The following EDARADD variants were observed in gnomAD, a reference collection of about 807,000 sequenced individuals.
The protein encoded by EDARADD is EDAR associated via death domain.
Under a neutral mutation model 25.6 loss-of-function variants are expected in EDARADD, and 20 were observed. That is an observed-to-expected ratio of 0.78 (90% CI 0.55 to 1.14). The LOEUF is 1.14. Among genes scored for constraint, EDARADD ranks in the 50% most tolerant of loss-of-function variants. The probability of loss-of-function intolerance (pLI) is 0.00; values close to 1 mark genes in which losing one functional copy is unlikely to be tolerated. For missense variants in EDARADD, 225 were observed against 270.1 expected, an observed-to-expected ratio of 0.83 and a Z score of 1.17; for synonymous variants, 86 against 94.4, an observed-to-expected ratio of 0.91 and a Z score of 0.52.
intron 4 of EDARADD, among the ~76,000 whole-genome samples, chr1:236,446,461 A>T (rs915031486): frequency 6.6e-6 from 1 of 152,156 alleles, no homozygotes; most frequent in Non-Finnish European, 1.5e-5. Flanking sequence ...CTGAGGCAGA[A>T]GAATCACTTG....
upstream of EDARADD, among the ~76,000 whole-genome samples, chr1:236,389,779 AT>A (rs1478180178): frequency 1.3e-5 from 2 of 152,150 alleles, no homozygotes; most frequent in Admixed American, 6.5e-5. Context: ...AGGCAGGTGG[AT>A]TCCCTGAGCC....
intron 4 of EDARADD, among the ~76,000 whole-genome samples, chr1:236,466,466 C>G (rs920431835): frequency 6.6e-6 from 1 of 152,050 alleles, no homozygotes; most frequent in African/African-American, 2.4e-5. Context: ...CACACTCACA[C>G]TCACACACTC....
chr1:236,411,547 CTTT>C (rs376379766), intron 2 of EDARADD, among the ~76,000 whole-genome samples: 1 of 144,258 alleles, frequency 6.9e-6, no homozygotes, highest in Non-Finnish European at 1.5e-5. Flanking sequence ...TCTTCTTCTT[CTTT>C]TTTTTTTTTG....
upstream of EDARADD, among the ~76,000 whole-genome samples, chr1:236,393,970 G>A (rs908974674): frequency 1.3e-5 from 2 of 149,954 alleles, no homozygotes; most frequent in Admixed American, 6.7e-5. Flanking sequence ...ATGAAAGGGA[G>A]TAATAACTAC....
At chr1:236,379,878 A>G (rs1667278165) in intron 3 of EDARADD, among the ~76,000 whole-genome samples, 1 of 152,284 alleles carries the variant, frequency 6.6e-6, no homozygotes, top group African/African-American at 2.4e-5. Flanking sequence ...ATGATAAATT[A>G]TATTCCAAAT....
chr1:236,415,113 A>G (rs761994271), intron 3 of EDARADD, among the ~76,000 whole-genome samples: 1 of 152,154 alleles, frequency 6.6e-6, no homozygotes, highest in Non-Finnish European at 1.5e-5. Context: ...CGGATAGCAC[A>G]ATTTTAGAGA....
At chr1:236,377,836 G>C (rs763862835) in intron 3 of EDARADD, among the ~76,000 whole-genome samples, 1 of 151,460 alleles carries the variant, frequency 6.6e-6, no homozygotes, top group African/African-American at 2.4e-5. Flanking sequence ...CCAGCCTCAC[G>C]ACAGAGTGAG....
rs1056364066 is a variant in EDARADD, at chr1:236,475,814, C to T, written c.266-6453C>T. 5.3e-5 allele frequency among the ~76,000 whole-genome samples: 8 copies of T among 152,048 alleles called. No individual in the cohort carries two copies. In the South Asian group the frequency reaches 6.2e-4, roughly 12 times the overall value. On this transcript the variant is annotated intron_variant, in intron 5 of 5. Transcript: ENST00000334232. ...CACAAAAAAACTTTAGTAGATCTTT[C>T]GGCATATTATTTTTTAAAATAAACT...
At chr1:236,393,855 C>T (rs1164845183), upstream of EDARADD, among the ~76,000 whole-genome samples, 7 of 152,022 alleles carry the variant, frequency 4.6e-5, no homozygotes, top group Non-Finnish European at 1.0e-4. Context: ...ACAACAATAG[C>T]ACCCATTTGC....
rs993490784 is a variant in EDARADD, at chr1:236,480,131, A to C, written c.266-2136A>C. 3.0e-5 allele frequency among the ~76,000 whole-genome samples: 4 copies of C among 132,610 alleles called. No individual in the cohort carries two copies. In the South Asian group the frequency reaches 9.8e-4, roughly 33 times the overall value. The allele number at this position is 132,610 out of a possible 152,430, so 87.0% of individuals were successfully genotyped here. A position where few individuals can be genotyped will look rare whatever the true frequency, so the allele number is the denominator to read the frequency against. ...TATATATATATATATATATATATAT[A>C]TATATCACATTTTCTTTATCCACTC... On this transcript the variant is annotated intron_variant, in intron 5 of 5. Coordinates refer to ENST00000334232, the MANE Select transcript of EDARADD (RefSeq NM_145861.4).
intron 3 of EDARADD, among the ~76,000 whole-genome samples, chr1:236,385,446 G>C (rs1347908990): frequency 7.0e-6 from 1 of 143,132 alleles, no homozygotes; most frequent in Non-Finnish European, 1.5e-5. Flanking sequence ...CTTCCAGGCT[G>C]GGCATAGTGG....
Position 236,403,058 on chromosome 1 carries a change from C to T in EDARADD, c.62-6158C>T, listed in dbSNP as rs143770420. 7.6e-3 allele frequency among the ~76,000 whole-genome samples: 1,158 copies of T among 152,024 alleles called. 15 individuals carry two copies. Among genetic ancestry groups the T allele is most frequent in the East Asian group, 0.021 (109 of 5,166 alleles). Reference sequence around the variant, plus strand: ...GAAATCTCCGCCTCCTGGGTTCAAGCGATTCTCCTGCCTCAGTGTCCCCAG... The same window carrying T: ...GAAATCTCCGCCTCCTGGGTTCAAGTGATTCTCCTGCCTCAGTGTCCCCAG... On this transcript the variant is annotated intron_variant, in intron 1 of 5. Transcript: ENST00000334232.
intron 4 of EDARADD, among the ~76,000 whole-genome samples, chr1:236,432,010 G>A (rs553234846): frequency 1.3e-5 from 2 of 151,802 alleles, no homozygotes; most frequent in East Asian, 1.9e-4. Flanking sequence ...TTTGATTCTC[G>A]GATGTGTGTA....
At chr1:236,379,239 G>T (rs187392162) in intron 3 of EDARADD, among the ~76,000 whole-genome samples, 2 of 151,798 alleles carry the variant, frequency 1.3e-5, no homozygotes, top group African/African-American at 4.8e-5. Context: ...GTGTGCTGGC[G>T]CATGTCTGTA....
chr1:236,415,478 T>C (rs1464170299), intron 3 of EDARADD, among the ~76,000 whole-genome samples: 1 of 152,164 alleles, frequency 6.6e-6, no homozygotes, highest in Non-Finnish European at 1.5e-5. Context: ...AGAGTTTCAC[T>C]CTTGTTGCCC....
At chr1:236,436,779 G>A (rs537580059) in intron 4 of EDARADD, among the ~76,000 whole-genome samples, 5 of 152,118 alleles carry the variant, frequency 3.3e-5, no homozygotes, top group African/African-American at 4.8e-5. Context: ...CTTGAATCAC[G>A]GCATTTGGTT....
intron 3 of EDARADD, among the ~76,000 whole-genome samples, chr1:236,361,768 G>A (rs1667053887): frequency 6.6e-6 from 1 of 150,846 alleles, no homozygotes; most frequent in Admixed American, 6.6e-5. Flanking sequence ...ATAATACTAT[G>A]GCTTTTGTGT....
intron 3 of EDARADD, among the ~76,000 whole-genome samples, chr1:236,357,684 A>C (rs1290258749): frequency 6.6e-6 from 1 of 151,900 alleles, no homozygotes; most frequent in East Asian, 1.9e-4. Context: ...AGACTTCACA[A>C]ACCAGATCTC....
At chr1:236,353,204 G>C (rs1666937475) in intron 3 of EDARADD, among the ~76,000 whole-genome samples, 1 of 152,134 alleles carries the variant, frequency 6.6e-6, no homozygotes, top group Admixed American at 6.6e-5. Context: ...CCTGGGATTT[G>C]TTTCAGCTCT....
Sources: allele counts gnomAD v4.1 joint callset (sites outside exome capture counted in the v4.1 genomes callset), GRCh38; gene constraint gnomAD v4.1.1; transcripts MANE v1.5; gene names NCBI Gene and HGNC (gene_info 2026-07-23, HGNC 2026-07-21).